Variants in INTS6L observed in about 807,000 individuals in gnomAD.
INTS6L encodes integrator complex subunit 6 like, also known as integrator complex subunit 6-like.
A neutral mutation model predicts 64.7 loss-of-function variants in INTS6L; 18 were observed. That is an observed-to-expected ratio of 0.28 (90% confidence interval 0.19 to 0.41). The LOEUF (loss-of-function observed/expected upper bound fraction) is 0.41. INTS6L is among the 10% of genes least tolerant of loss of function. The pLI is 1.00. For missense variants in INTS6L, 533 were observed against 661.0 expected, an observed-to-expected ratio of 0.81 and a Z score of 2.12; for synonymous variants, 227 against 235.9, an observed-to-expected ratio of 0.96 and a Z score of 0.34.
intron 14 of INTS6L, among the ~76,000 whole-genome samples, chrX:135,576,714 A>G (rs2087238560): frequency 8.9e-6 from 1 of 111,978 alleles, no homozygotes; most frequent in Non-Finnish European, 1.9e-5. Context: ...CCTGCCTTTC[A>G]ACACGTACAT....
chrX:135,521,441 G>C, intron 2 of INTS6L, 123 bp downstream of exon 2: 1 of 692,334 alleles, frequency 1.4e-6, no homozygotes, highest in East Asian at 3.8e-5. Flanking sequence ...GCGAGGGGGT[G>C]CGCAGAGGGC....
rs895031735 is a variant in INTS6L at position 135,573,967 on chromosome X, C to T, written c.1646C>T (p.Ala549Val). Residue 549 changes from alanine to valine, a missense_variant, in exon 13 of 18, where the codon GCT becomes GTT. Coordinates refer to ENST00000639893, the MANE Select transcript of INTS6L (RefSeq NM_001351601.3). Reference sequence around the variant, plus strand: ...TTGAAACCTCAGACATACAGAAATGCTTATGATATTCCCCGTAGAGGTCTT... The same window carrying T: ...TTGAAACCTCAGACATACAGAAATGTTTATGATATTCCCCGTAGAGGTCTT... ...KDLKPQTYRN[A>V]YDIPRRGLLD... 4 of 1,201,976 alleles carry T rather than the reference C, an allele frequency of 3.3e-6. No homozygotes were observed. Among genetic ancestry groups the T allele is most frequent in the African/African-American group, 1.7e-5 (1 of 57,206 alleles).
intron 2 of INTS6L, among the ~76,000 whole-genome samples, chrX:135,540,195 A>G (rs2086167034): frequency 8.9e-6 from 1 of 111,773 alleles, no homozygotes; most frequent in Non-Finnish European, 1.9e-5. Flanking sequence ...GTGGGCTCTG[A>G]AGTTAGGCTA....
chrX:135,569,029 T>A (rs1193327410), intron 9 of INTS6L, among the ~76,000 whole-genome samples: 1 of 112,117 alleles, frequency 8.9e-6, no homozygotes, highest in South Asian at 3.7e-4. Context: ...GAGGTGAAAA[T>A]TACTAGTTAC....
chrX:135,569,071 G>A (rs1251569644), intron 9 of INTS6L, among the ~76,000 whole-genome samples: 1 of 112,218 alleles, frequency 8.9e-6, no homozygotes, highest in African/African-American at 3.2e-5. Context: ...AATATTTCAA[G>A]TGGATCAAAA....
At chrX:135,565,362 T>G (rs1027215066) in intron 9 of INTS6L, among the ~76,000 whole-genome samples, 2 of 111,875 alleles carry the variant, frequency 1.8e-5, no homozygotes, top group African/African-American at 6.5e-5. Flanking sequence ...GGAATGATTA[T>G]AGTGTGATCA....
chrX:135,528,592 C>T (rs917457645), intron 2 of INTS6L, among the ~76,000 whole-genome samples: 33 of 111,564 alleles, frequency 3.0e-4, no homozygotes, highest in African/African-American at 8.2e-4. Flanking sequence ...TTATTGAGCA[C>T]TTGAAAGGTG....
At chrX:135,547,058 A>G in intron 5 of INTS6L, 79 bp from the exon 6 acceptor site, 1 of 1,148,635 alleles carries the variant, frequency 8.7e-7, no homozygotes, top group African/African-American at 1.8e-5. Context: ...TTCAAGTTAT[A>G]TTTTAGGATT....
At position 135,527,347 on chromosome X, in the gene INTS6L, G is replaced by A. The variant is rs782109779; in HGVS notation, c.189+6029G>A. On this transcript the variant is annotated intron_variant, in intron 2 of 17. Coordinates refer to ENST00000639893, the MANE Select transcript of INTS6L (RefSeq NM_001351601.3). ...CTCCTCTGCACCAGGCTCTGTTATAGGGGCCTAAGGTGAAACCAGAAAGAT... is the reference window on the plus strand; with the variant it reads ...CTCCTCTGCACCAGGCTCTGTTATAAGGGCCTAAGGTGAAACCAGAAAGAT... Among the ~76,000 whole-genome samples the A allele has an allele frequency of 4.4e-5, 5 of 112,411 alleles. No individual in the cohort carries two copies. The East Asian group carries it at 1.4e-3, about 31-fold the overall frequency.
At position 135,564,293 on chromosome X, in the gene INTS6L, T is replaced by A. The variant is rs782593484; in HGVS notation, c.1193-5044T>A. On this transcript the variant is annotated intron_variant, in intron 9 of 17. Coordinates refer to ENST00000639893, the MANE Select transcript of INTS6L (RefSeq NM_001351601.3). Reference sequence around the variant, plus strand: ...TTCTTTATATCTTCTATTCTTATTCTCTGTTTCTTTGCATGTGTTTTCATT... The same window carrying A: ...TTCTTTATATCTTCTATTCTTATTCACTGTTTCTTTGCATGTGTTTTCATT... Among the ~76,000 whole-genome samples the A allele has an allele frequency of 7.1e-5, 8 of 111,959 alleles. No homozygotes were observed. In the South Asian group the frequency reaches 3.0e-3, roughly 42 times the overall value.
chrX:135,567,045 A>C (rs2086969935), intron 9 of INTS6L, among the ~76,000 whole-genome samples: 1 of 111,741 alleles, frequency 8.9e-6, no homozygotes, highest in Admixed American at 9.5e-5. Context: ...GCTTTTACAC[A>C]TACATTATGT....
intron 2 of INTS6L, among the ~76,000 whole-genome samples, chrX:135,522,426 G>C (rs1011628214): frequency 8.9e-6 from 1 of 112,195 alleles, no homozygotes; most frequent in Admixed American, 9.4e-5. Flanking sequence ...CTATGGTGAG[G>C]AGATAAAGAA....
chrX:135,541,635 T>A (rs2086221915), intron 2 of INTS6L, among the ~76,000 whole-genome samples: 1 of 112,463 alleles, frequency 8.9e-6, no homozygotes, highest in Admixed American at 9.4e-5. Context: ...AAAATAGGGA[T>A]GTTAATGCCA....
rs782440672 is a variant in INTS6L, at chrX:135,521,301, C to T, written c.172C>T (p.Pro58Ser). The T allele has an allele frequency of 1.7e-6, 2 of 1,205,243 alleles. No individual in the cohort carries two copies. The highest frequency in any genetic ancestry group is 3.6e-5 in the South Asian group (2 of 55,784). ...GTACATGCTGGTCACCTACGACGAA[C>T]CCCCGTACTGCATCAAGGTAAAGGG... ...DRYMLVTYDE[P>S]PYCIKAGWKE... is the part of the protein sequence containing the mutation. The change falls in exon 2 of 18, where the codon CCC becomes TCC. Residue 58 changes from proline to serine, a missense_variant. Physicochemically the swap from Pro to Ser is moderately conservative, Grantham distance 74. Transcript: ENST00000639893.
chrX:135,544,717 A>G (rs145255972), intron 2 of INTS6L, among the ~76,000 whole-genome samples: 34 of 111,738 alleles, frequency 3.0e-4, no homozygotes, highest in Middle Eastern at 4.6e-3. Flanking sequence ...CCTTCCTTCT[A>G]TTCTACAAAC....
intron 2 of INTS6L, among the ~76,000 whole-genome samples, chrX:135,540,739 TCTTCCTCCC>T (rs1473984956): frequency 3.7e-5 from 4 of 107,421 alleles, no homozygotes; most frequent in Non-Finnish European, 7.7e-5. Context: ...CTCCTCCTCC[TCTTCCTCCC>T]CCTCCTCCTC....
chrX:135,554,199 AACTC>A (rs1244814747), intron 8 of INTS6L, among the ~76,000 whole-genome samples: 2 of 111,668 alleles, frequency 1.8e-5, no homozygotes, highest in Non-Finnish European at 3.8e-5. Flanking sequence ...AATTTGGAAA[AACTC>A]AAGGGGCCAA....
At chrX:135,522,774 C>T (rs948297692) in intron 2 of INTS6L, among the ~76,000 whole-genome samples, 2 of 112,013 alleles carry the variant, frequency 1.8e-5, no homozygotes, top group Non-Finnish European at 3.8e-5. Flanking sequence ...TTAGTAGGTT[C>T]CCCTTAAAAC....
At chrX:135,575,810 A>ATG (rs1569514186) in intron 14 of INTS6L, among the ~76,000 whole-genome samples, 165 of 34,357 alleles carry the variant, frequency 4.8e-3, no homozygotes, top group African/African-American at 0.011. Context: ...GTGTGTGTGT[A>ATG]TGTGTGTGTG....
Sources: gnomAD v4.1 joint callset for allele counts (sites outside exome capture counted in the v4.1 genomes callset) on GRCh38, gnomAD v4.1.1 for gene constraint, MANE v1.5 for transcripts, NCBI Gene and HGNC (gene_info 2026-07-23, HGNC 2026-07-21) for gene names.